Variants in NYAP2 observed in about 807,000 individuals in gnomAD.
NYAP2 encodes the protein neuronal tyrosine-phosphorylated phosphoinositide-3-kinase adapter 2.
Under a neutral mutation model 50.4 loss-of-function variants are expected in NYAP2, and 23 were observed. That is an observed-to-expected ratio of 0.46 (90% CI 0.33 to 0.65). The LOEUF (loss-of-function observed/expected upper bound fraction) is 0.65. NYAP2 is among the 30% of genes least tolerant of loss of function. The pLI, the probability that NYAP2 is intolerant of heterozygous loss-of-function variation, is 0.02. For synonymous variants in NYAP2, 394 were observed against 365.2 expected, an observed-to-expected ratio of 1.08 and a Z score of -0.90; for missense variants, 885 against 861.0, an observed-to-expected ratio of 1.03 and a Z score of -0.35.
At chr2:225,549,933 C>T (rs1468496763) in intron 4 of NYAP2, among the ~76,000 whole-genome samples, 2 of 151,148 alleles carry the variant, frequency 1.3e-5, no homozygotes, top group Non-Finnish European at 2.9e-5. Flanking sequence ...TGCAGTGAGC[C>T]GAGATTGTAC....
At chr2:225,597,512 A>AATATATATATATATATATAT in intron 5 of NYAP2, among the ~76,000 whole-genome samples, 723 of 46,094 alleles carry the variant, frequency 0.016, 152 homozygotes, top group East Asian at 0.033. Flanking sequence ...TCCAAGGAGA[A>AATATATATATATATATATAT]ATATATATAT....
chr2:225,702,311 C>T, the NYAP2 span: 1 of 151,814 alleles, frequency 6.6e-6, no homozygotes, highest in East Asian at 1.9e-4. Flanking sequence ...TTTTACTAAT[C>T]TGTTATTTAA....
At chr2:225,445,462 TA>T (rs948301852) in intron 3 of NYAP2, among the ~76,000 whole-genome samples, 1 of 152,090 alleles carries the variant, frequency 6.6e-6, no homozygotes, top group African/African-American at 2.4e-5. Context: ...AAGCAGATCT[TA>T]GAATTGTAGA....
intron 3 of NYAP2, among the ~76,000 whole-genome samples, chr2:225,449,601 C>CTTTTTTTTT (rs201552006): frequency 1.3e-4 from 13 of 96,316 alleles, no homozygotes; most frequent in Non-Finnish European, 1.8e-4. Flanking sequence ...CTCTCTTTCT[C>CTTTTTTTTT]TTTTTTTTTT....
the NYAP2 span, among the ~76,000 whole-genome samples, chr2:225,666,835 C>G: frequency 7.1e-6 from 1 of 141,758 alleles, no homozygotes; most frequent in Non-Finnish European, 1.5e-5. Context: ...GATACATATT[C>G]CCCCCCCTCC....
chr2:225,460,992 CAAAAA>C (rs869283101), intron 3 of NYAP2, among the ~76,000 whole-genome samples: 1 of 43,066 alleles, frequency 2.3e-5, no homozygotes. Context: ...GACTCTGTCT[CAAAAA>C]AAAAAAAAAA....
intron 5 of NYAP2, among the ~76,000 whole-genome samples, chr2:225,590,098 G>C (rs935844944): frequency 6.6e-6 from 1 of 152,190 alleles, no homozygotes; most frequent in African/African-American, 2.4e-5. Context: ...AAAAGTTCTG[G>C]CAGGATCCAG....
intron 3 of NYAP2, among the ~76,000 whole-genome samples, chr2:225,490,227 G>C (rs1308229944): frequency 6.6e-6 from 1 of 152,072 alleles, no homozygotes; most frequent in Non-Finnish European, 1.5e-5. Flanking sequence ...GGCAGTTTCT[G>C]GCTCTGAGAC....
At position 225,582,586 on chromosome 2, in the gene NYAP2, A is replaced by G; in HGVS notation, c.1169A>G (p.His390Arg). The G allele has an allele frequency of 6.3e-7, 1 of 1,598,708 alleles. No individual in the cohort carries two copies. The highest frequency in any genetic ancestry group is 1.1e-5 in the South Asian group (1 of 88,452). ...ACGCTGCCGTCCCACGTCCCCGGCC[A>G]TGCGAAACTGGAGAAAGAGCAGGCC... The change falls in exon 5 of 7, where the codon CAT (histidine) becomes CGT (arginine). Residue 390 changes from histidine to arginine, a missense_variant. Physicochemically the swap from His to Arg is conservative, Grantham distance 29. Coordinates refer to ENST00000636099, the Ensembl canonical transcript of NYAP2. The surrounding 1 kb of genome is among the most constrained non-coding windows in gnomAD (Gnocchi z 7.0).
At chr2:225,518,567 T>TATATAA (rs1203016686) in intron 4 of NYAP2, among the ~76,000 whole-genome samples, 931 of 25,506 alleles carry the variant, frequency 0.037, 304 homozygotes, top group Non-Finnish European at 0.067. Flanking sequence ...TATATATATA[T>TATATAA]ATTAGCGTGT....
intron 2 of NYAP2, among the ~76,000 whole-genome samples, chr2:225,405,971 T>C (rs1405970172): frequency 6.6e-6 from 1 of 152,006 alleles, no homozygotes; most frequent in African/African-American, 2.4e-5. Flanking sequence ...TATATTATTA[T>C]TAAATATAAT....
intron 3 of NYAP2, among the ~76,000 whole-genome samples, chr2:225,416,739 C>A (rs1467176529): frequency 6.6e-6 from 1 of 152,008 alleles, no homozygotes; most frequent in African/African-American, 2.4e-5. Flanking sequence ...TATCCTAGAC[C>A]TAGCACTTAT....
intron 3 of NYAP2, among the ~76,000 whole-genome samples, chr2:225,422,260 A>G (rs2106127619): frequency 6.6e-6 from 1 of 152,344 alleles, no homozygotes; most frequent in South Asian, 2.1e-4. Context: ...AAGGCTTTTT[A>G]GCAAATCATA....
chr2:225,639,996 A>C (rs1693498812), intron 6 of NYAP2, among the ~76,000 whole-genome samples: 1 of 152,190 alleles, frequency 6.6e-6, no homozygotes, highest in Admixed American at 6.5e-5. Flanking sequence ...AGAACCTGAC[A>C]AGGGTGAGGG....
At chr2:225,654,785 C>T (rs998209031), downstream of NYAP2, among the ~76,000 whole-genome samples, 16 of 152,308 alleles carry the variant, frequency 1.1e-4, no homozygotes, top group Middle Eastern at 3.4e-3. Flanking sequence ...TCTGGCCTTA[C>T]GAATGCTATG....
the NYAP2 span, among the ~76,000 whole-genome samples, chr2:225,682,551 C>G: frequency 6.6e-6 from 1 of 152,120 alleles, no homozygotes; most frequent in African/African-American, 2.4e-5. Context: ...GCTAATGGAT[C>G]TTAGTCTAAG....
chr2:225,581,883 ATTTTTGAAAAC>A, intron 4 of NYAP2, 47 bp from the exon 5 acceptor site: 1 of 1,503,132 alleles, frequency 6.7e-7, no homozygotes, highest in Non-Finnish European at 9.0e-7. Context: ...CATGCAAATC[ATTTTTGAAAAC>A]TTTCCTATTA....
chr2:225,542,591 G>A (rs896121730), intron 4 of NYAP2, among the ~76,000 whole-genome samples: 6 of 152,086 alleles, frequency 3.9e-5, no homozygotes, highest in African/African-American at 7.2e-5. Flanking sequence ...TGCATATGTT[G>A]AGCCATCTTT....
At chr2:225,409,174 T>C in intron 3 of NYAP2, 73 bp downstream of exon 3, 1 of 1,144,166 alleles carries the variant, frequency 8.7e-7, no homozygotes, top group African/African-American at 1.6e-5. Flanking sequence ...AGTTGTGATG[T>C]TGTCACTTGG....
Sources: allele counts gnomAD v4.1 joint callset (sites outside exome capture counted in the v4.1 genomes callset), GRCh38; gene constraint gnomAD v4.1.1; non-coding constraint Gnocchi (gnomAD v3.1); transcripts MANE v1.5; gene names NCBI Gene and HGNC (gene_info 2026-07-23, HGNC 2026-07-21).